Variants in KCNK5 observed in about 807,000 individuals in gnomAD.
KCNK5 encodes potassium channel subfamily K member 5.
Under a neutral mutation model 32.9 loss-of-function variants are expected in KCNK5, and 18 were observed. That is an observed-to-expected ratio of 0.55 (90% CI 0.38 to 0.81). The LOEUF is 0.81. Among genes scored for constraint, KCNK5 ranks in the 30% least tolerant of loss-of-function variants. The pLI is 0.00. For missense variants in KCNK5, 507 were observed against 651.0 expected (o/e 0.78, Z 2.41); for synonymous variants, 276 against 275.3 (o/e 1.00, Z -0.03).
Position 39,194,684 on chromosome 6 carries a change from G to A in KCNK5, c.375C>T (p.Leu125=). ...CVFYGLFGVP[L]CLTWISALGK... is the part of the protein sequence containing the mutation. ...CCAGGGCACTGATCCACGTCAGGCA[G>A]AGCGGCACCCCGAAGAGACCATAGA... Residue 125 remains leucine, a synonymous_variant, in exon 3 of 5, where the codon CTC becomes CTT. Coordinates refer to ENST00000359534, the MANE Select transcript of KCNK5 (RefSeq NM_003740.4). The surrounding 1 kb of genome is among the most constrained non-coding windows in gnomAD (Gnocchi z 4.7). 6.2e-7 allele frequency: 1 copy of A among 1,614,170 alleles called. No individual in the cohort carries two copies. The highest frequency in any genetic ancestry group is 8.5e-7 in the Non-Finnish European group (1 of 1,180,042).
chr6:39,226,053 A>G (rs1771665865), intron 1 of KCNK5, among the ~76,000 whole-genome samples: 1 of 152,258 alleles, frequency 6.6e-6, no homozygotes, highest in Non-Finnish European at 1.5e-5. Flanking sequence ...CAGATGAGGA[A>G]AGGAAGGCAA....
chr6:39,191,877 A>C lies in KCNK5; in HGVS notation c.635-122T>G. ...GAGCACAGGACGGGGGTGCAGTGGG[A>C]TAGAAAGGGGCCTGTTCTAGACCCT... On this transcript the variant is annotated intron_variant, in intron 4 of 4. Transcript: ENST00000359534. The surrounding 1 kb of genome is among the most constrained non-coding windows in gnomAD (Gnocchi z 5.8). 2.9e-6 allele frequency: 3 copies of C among 1,045,824 alleles called. No individual in the cohort carries two copies. Among genetic ancestry groups the C allele is most frequent in the Non-Finnish European group, 4.2e-6 (3 of 719,040 alleles). 64.8% of individuals were successfully genotyped at this position (1,045,824 alleles called of 1,614,324 possible). A position where few individuals can be genotyped will look rare whatever the true frequency, so the allele number is the denominator to read the frequency against.
intron 4 of KCNK5, among the ~76,000 whole-genome samples, chr6:39,192,298 A>AAG (rs1770955092): frequency 6.6e-6 from 1 of 151,092 alleles, no homozygotes; most frequent in African/African-American, 2.4e-5. Context: ...AAAAAAAAAA[A>AAG]AAAAAAAAAA....
chr6:39,192,191 G>A (rs926814920), intron 4 of KCNK5, among the ~76,000 whole-genome samples: 8 of 142,196 alleles, frequency 5.6e-5, no homozygotes, highest in African/African-American at 2.1e-4. Context: ...GCTGAAGCAG[G>A]AGAACTGCTT....
chr6:39,205,371 T>C (rs1771206198), intron 1 of KCNK5, among the ~76,000 whole-genome samples: 2 of 152,178 alleles, frequency 1.3e-5, no homozygotes, highest in South Asian at 4.1e-4. Flanking sequence ...TCTGAGGCCA[T>C]GCTCTCAAAA....
intron 1 of KCNK5, among the ~76,000 whole-genome samples, chr6:39,210,063 G>A (rs939817303): frequency 1.3e-5 from 2 of 152,184 alleles, no homozygotes; most frequent in African/African-American, 4.8e-5. Context: ...AATGAAAGAA[G>A]GGAAAGTAAT....
At chr6:39,209,065 TG>T (rs1209560506) in intron 1 of KCNK5, among the ~76,000 whole-genome samples, 3 of 151,910 alleles carry the variant, frequency 2.0e-5, no homozygotes, top group African/African-American at 4.8e-5. Flanking sequence ...TACTCCAGCC[TG>T]GGTGACAGAG....
intron 1 of KCNK5, among the ~76,000 whole-genome samples, chr6:39,212,093 A>G (rs1771353479): frequency 6.6e-6 from 1 of 152,184 alleles, no homozygotes; most frequent in Non-Finnish European, 1.5e-5. Context: ...GTTCAAGACC[A>G]GCCTAGCCAA....
In KCNK5 at chr6:39,229,455, CG is replaced by C. The variant is rs2113803059; in HGVS notation, c.-345del. On this transcript the variant is annotated 5_prime_UTR_variant, in exon 1 of 5. Transcript: ENST00000359534. ...GCCGCTTCTCCACGCGTCGCTCCTC[CG>C]CGCGCCACTAGCAGTATGCGCCGCG... is the stretch of plus-strand genomic sequence containing the variant. The C allele has an allele frequency of 3.8e-6, 1 of 261,664 alleles. No individual in the cohort carries two copies. Among genetic ancestry groups the C allele is most frequent in the East Asian group, 8.8e-5 (1 of 11,386 alleles). 16.2% of individuals were successfully genotyped at this position (261,664 alleles called of 1,614,324 possible). A position where few individuals can be genotyped will look rare whatever the true frequency, so the allele number is the denominator to read the frequency against.
rs1770985695 is a variant in KCNK5, at chr6:39,194,039, GT to G, written c.634+129del. ...TTTCCTCTTGCAAATGGCAGAGTGGGTTGAGAATCCCACTGGGTAAGAGAAG... is the reference window on the plus strand; with the variant it reads ...TTTCCTCTTGCAAATGGCAGAGTGGGTGAGAATCCCACTGGGTAAGAGAAG... On this transcript the variant is annotated intron_variant, in intron 4 of 4. Transcript: ENST00000359534. This position sits in a 1 kb window ranked among gnomAD's most constrained non-coding sequence, Gnocchi z 4.7. 2.1e-6 allele frequency: 2 copies of G among 970,510 alleles called. No homozygotes were observed. Among genetic ancestry groups the G allele is most frequent in the African/African-American group, 3.2e-5 (2 of 61,944 alleles). The allele number at this position is 970,510 out of a possible 1,614,324, so 60.1% of individuals were successfully genotyped here. A position where few individuals can be genotyped will look rare whatever the true frequency, so the allele number is the denominator to read the frequency against.
At chr6:39,212,118 G>A (rs917281770) in intron 1 of KCNK5, among the ~76,000 whole-genome samples, 19 of 152,154 alleles carry the variant, frequency 1.2e-4, no homozygotes, top group East Asian at 7.7e-4. Flanking sequence ...GTGAAACCCC[G>A]TCTCTACAAA....
rs915991492 is a variant in KCNK5 at position 39,195,784 on chromosome 6, A to G, written c.298+92T>C. The G allele has an allele frequency of 4.0e-4, 327 of 819,428 alleles. 3 individuals carry two copies. Among genetic ancestry groups the G allele is most frequent in the Non-Finnish European group, 5.8e-5 (29 of 497,888 alleles). 50.8% of individuals were successfully genotyped at this position (819,428 alleles called of 1,614,324 possible). A position where few individuals can be genotyped will look rare whatever the true frequency, so the allele number is the denominator to read the frequency against. ...CTGCAACTGATCTGATTGTACCCCCAACAGGGCTGAGTGACCAGAGCTGGG... is the reference window on the plus strand; with the variant it reads ...CTGCAACTGATCTGATTGTACCCCCGACAGGGCTGAGTGACCAGAGCTGGG... On this transcript the variant is annotated intron_variant, in intron 2 of 4. Transcript: ENST00000359534.
intron 1 of KCNK5, among the ~76,000 whole-genome samples, chr6:39,207,365 G>C (rs1054506769): frequency 6.6e-6 from 1 of 152,204 alleles, no homozygotes; most frequent in Non-Finnish European, 1.5e-5. Context: ...ACAGAACCTA[G>C]CTCTAGTATG....
intron 1 of KCNK5, among the ~76,000 whole-genome samples, chr6:39,212,598 G>A (rs147442865): frequency 4.6e-5 from 7 of 152,316 alleles, no homozygotes; most frequent in East Asian, 1.9e-4. Flanking sequence ...CCACGGGACC[G>A]GGTGGAGCTG....
chr6:39,190,599 A>C lies in KCNK5; in HGVS notation c.*291T>G, dbSNP rs1770903478. ...CTGCAGGCAAGGCCTCCTCAGGGTC[A>C]GTCCTGCCCACCTGTCCCGCCAGCC... On this transcript the variant is annotated 3_prime_UTR_variant, in exon 5 of 5. Transcript: ENST00000359534. The C allele has an allele frequency of 3.3e-6, 1 of 299,226 alleles. No individual in the cohort carries two copies. The highest frequency in any genetic ancestry group is 6.2e-6 in the Non-Finnish European group (1 of 162,532). 18.5% of individuals were successfully genotyped at this position (299,226 alleles called of 1,614,324 possible).
chr6:39,227,528 A>T (rs1201228737), intron 1 of KCNK5, among the ~76,000 whole-genome samples: 3 of 152,030 alleles, frequency 2.0e-5, no homozygotes, highest in African/African-American at 7.3e-5. Flanking sequence ...TACCCGGGAA[A>T]CTGCTACAGG....
At chr6:39,196,017 T>A (rs193194563) in intron 1 of KCNK5, 30 bp from the exon 2 acceptor site, 378 of 1,517,950 alleles carry the variant, frequency 2.5e-4, no homozygotes, top group Non-Finnish European at 2.8e-5. Flanking sequence ...AGGTCAGAGC[T>A]GAGGCCACAC....
At position 39,191,430 on chromosome 6, in the gene KCNK5, C is replaced by T. The variant is rs768113040; in HGVS notation, c.960G>A (p.Glu320=). The stretch of plus-strand genomic sequence containing the variant: ...GCCCCAGCCCTGGGCCCGGGCCCGT[C>T]TCCCCACCCCCGCTTGTCTTCATGG... ...KKAMKTSGGG[E]TGPGPGLGPQ... is the part of the protein sequence containing the mutation. Residue 320 remains glutamate (E), a synonymous_variant, in exon 5 of 5, where the codon GAG becomes GAA. Coordinates refer to ENST00000359534, the MANE Select transcript of KCNK5 (RefSeq NM_003740.4). The surrounding 1 kb of genome is among the most constrained non-coding windows in gnomAD (Gnocchi z 5.8). 4 of 1,613,198 alleles carry T rather than the reference C, an allele frequency of 2.5e-6. 1 individual carries two copies. Among genetic ancestry groups the T allele is most frequent in the African/African-American group, 1.3e-5 (1 of 74,988 alleles).
At chr6:39,205,386 C>G (rs1456487401) in intron 1 of KCNK5, among the ~76,000 whole-genome samples, 1 of 152,200 alleles carries the variant, frequency 6.6e-6, no homozygotes, top group Non-Finnish European at 1.5e-5. Flanking sequence ...TCAAAATCTA[C>G]CCCTGCCTCA....
Sources: allele counts gnomAD v4.1 joint callset (sites outside exome capture counted in the v4.1 genomes callset), GRCh38; gene constraint gnomAD v4.1.1; non-coding constraint Gnocchi (gnomAD v3.1); transcripts MANE v1.5; gene names NCBI Gene and HGNC (gene_info 2026-07-23, HGNC 2026-07-21).